The following ZZZ3 variants were observed in gnomAD, a reference collection of about 807,000 sequenced individuals.
ZZZ3 encodes the protein ZZ-type zinc finger-containing protein 3.
Under a neutral mutation model 95.2 loss-of-function variants are expected in ZZZ3, and 22 were observed. The ratio of observed to expected loss-of-function variants is 0.23; its 90% CI spans 0.17 to 0.33. ZZZ3 has a LOEUF of 0.33. ZZZ3 is among the 10% of genes least tolerant of loss of function. ZZZ3 has a pLI of 1.00. For synonymous variants in ZZZ3, 335 were observed against 358.9 expected (o/e 0.93, Z 0.75); for missense variants, 885 against 1,066.5 (o/e 0.83, Z 2.37).
At chr1:77,566,388 GGTGA>G (rs1445794054) in intron 13 of ZZZ3, among the ~76,000 whole-genome samples, 5 of 152,086 alleles carry the variant, frequency 3.3e-5, no homozygotes, top group Non-Finnish European at 7.4e-5. Context: ...TCAAGATATG[GGTGA>G]GTGAGAGGAA....
intron 1 of ZZZ3, among the ~76,000 whole-genome samples, chr1:77,650,578 C>G (rs1000970688): frequency 6.1e-5 from 9 of 148,016 alleles, no homozygotes; most frequent in African/African-American, 2.0e-4. Context: ...ACAGCAAAAG[C>G]AGTATTTACA....
chr1:77,634,013 T>C (rs1668065005), intron 4 of ZZZ3, among the ~76,000 whole-genome samples: 1 of 151,726 alleles, frequency 6.6e-6, no homozygotes, highest in African/African-American at 2.4e-5. Context: ...CTACTAAAAA[T>C]ACAAAAATTA....
intron 3 of ZZZ3, 87 bp downstream of exon 3, chr1:77,641,297 T>A (rs145947627): frequency 2.6e-5 from 9 of 347,272 alleles, no homozygotes; most frequent in African/African-American, 1.9e-4. Context: ...TCTATTTGAA[T>A]AGAGTTCACT....
At chr1:77,609,741 G>T (rs1004356413) in intron 5 of ZZZ3, among the ~76,000 whole-genome samples, 2 of 152,004 alleles carry the variant, frequency 1.3e-5, no homozygotes, top group Non-Finnish European at 2.9e-5. Context: ...GAGGATTTTG[G>T]AAACAATACC....
intron 5 of ZZZ3, among the ~76,000 whole-genome samples, chr1:77,628,942 G>A (rs1277914033): frequency 6.6e-6 from 1 of 152,178 alleles, no homozygotes; most frequent in Non-Finnish European, 1.5e-5. Context: ...ATTTGACAAG[G>A]TATGTACATA....
chr1:77,660,485 T>C (rs1261870121), intron 1 of ZZZ3, among the ~76,000 whole-genome samples: 9 of 152,248 alleles, frequency 5.9e-5, no homozygotes, highest in Admixed American at 5.2e-4. Context: ...AGTATCTTTT[T>C]GTGACTGGCT....
chr1:77,565,382 A>G lies in ZZZ3; in HGVS notation c.*258T>C. The G allele has an allele frequency of 2.7e-6, 1 of 377,358 alleles. No individual in the cohort carries two copies. The highest frequency in any genetic ancestry group is 4.7e-6 in the Non-Finnish European group (1 of 212,002). 23.4% of individuals were successfully genotyped at this position (377,358 alleles called of 1,614,324 possible). On this transcript the variant is annotated 3_prime_UTR_variant, in exon 15 of 15. Transcript: ENST00000370801. ...TGTGTGCTCTCGTTCCATCTCACCC[A>G]TTTAAGATCACCACCTAAAACGCAG...
intron 1 of ZZZ3, among the ~76,000 whole-genome samples, chr1:77,680,663 C>T (rs1050590811): frequency 6.6e-6 from 1 of 152,072 alleles, no homozygotes; most frequent in African/African-American, 2.4e-5. Flanking sequence ...TTTGTTTGTA[C>T]TAACTACTAA....
At position 77,651,184 on chromosome 1, in the gene ZZZ3, G is replaced by A. The variant is rs779652268; in HGVS notation, c.-402-9529C>T. Among the ~76,000 whole-genome samples, 7 of 152,038 alleles carry A rather than the reference G, an allele frequency of 4.6e-5. 1 individual carries two copies. The highest frequency in any genetic ancestry group is 4.1e-4 in the South Asian group (2 of 4,826). On this transcript the variant is annotated intron_variant, in intron 1 of 14. Coordinates refer to ENST00000370801, the MANE Select transcript of ZZZ3 (RefSeq NM_015534.6). The stretch of plus-strand genomic sequence containing the variant: ...GAATAGCTTGGGCCCAGGAGTTCAC[G>A]ACCAGCCTGGGCAACAAAGAGAGAC...
intron 12 of ZZZ3, among the ~76,000 whole-genome samples, chr1:77,574,315 A>G (rs1661716488): frequency 6.6e-6 from 1 of 151,994 alleles, no homozygotes; most frequent in Admixed American, 6.6e-5. Flanking sequence ...GGAAGTAAGT[A>G]TTACATTGAT....
At position 77,563,581 on chromosome 1, in the gene ZZZ3, A is replaced by T. The variant is rs1056205456; in HGVS notation, c.*2059T>A. 2 of 152,204 alleles carry T rather than the reference A, an allele frequency of 1.3e-5. No individual in the cohort carries two copies. The highest frequency in any genetic ancestry group is 2.4e-5 in the African/African-American group (1 of 41,462). 9.4% of individuals were successfully genotyped at this position (152,204 alleles called of 1,614,324 possible). ...TGTATCACTCATATCCCTCTTCCAA[A>T]GCATACATCATACTTTATGGAATTT... On this transcript the variant is annotated 3_prime_UTR_variant, in exon 15 of 15. Transcript: ENST00000370801.
chr1:77,666,531 T>G (rs550212114), intron 1 of ZZZ3, among the ~76,000 whole-genome samples: 10 of 152,252 alleles, frequency 6.6e-5, no homozygotes, highest in Admixed American at 1.3e-4. Flanking sequence ...CCAGACTCCA[T>G]CTCAAAGAAT....
chr1:77,651,772 C>T (rs1442627990), intron 1 of ZZZ3, among the ~76,000 whole-genome samples: 4 of 152,100 alleles, frequency 2.6e-5, no homozygotes, highest in African/African-American at 9.7e-5. Flanking sequence ...AATTCCAGCA[C>T]TTTGGGAGGC....
chr1:77,607,252 T>C (rs1460961323), intron 5 of ZZZ3, among the ~76,000 whole-genome samples: 3 of 152,274 alleles, frequency 2.0e-5, no homozygotes, highest in East Asian at 3.9e-4. Context: ...GGAATGTCCA[T>C]TTATAAAACC....
intron 5 of ZZZ3, among the ~76,000 whole-genome samples, chr1:77,616,762 G>A (rs752774154): frequency 6.6e-6 from 1 of 152,104 alleles, no homozygotes; most frequent in Admixed American, 6.5e-5. Flanking sequence ...GCCCAGGAGG[G>A]AGACTGAAGC....
chr1:77,575,478 A>G (rs1177183383), intron 12 of ZZZ3, among the ~76,000 whole-genome samples: 1 of 152,230 alleles, frequency 6.6e-6, no homozygotes, highest in Non-Finnish European at 1.5e-5. Context: ...AATCTCATCA[A>G]TGCTCTTGAC....
intron 5 of ZZZ3, among the ~76,000 whole-genome samples, chr1:77,587,448 T>C (rs867580429): frequency 6.6e-6 from 1 of 151,984 alleles, no homozygotes. Flanking sequence ...GTATTTTTAG[T>C]AGAGATGGGG....
intron 3 of ZZZ3, among the ~76,000 whole-genome samples, chr1:77,640,540 C>T (rs1668686425): frequency 6.7e-6 from 1 of 148,410 alleles, no homozygotes; most frequent in Non-Finnish European, 1.5e-5. Context: ...GCAGAGGTTG[C>T]AGTGAGCCAA....
At position 77,564,129 on chromosome 1, in the gene ZZZ3, TC is replaced by T. The variant is rs1660631587; in HGVS notation, c.*1510del. The T allele has an allele frequency of 6.6e-6, 1 of 152,130 alleles. No homozygotes were observed. Among genetic ancestry groups the T allele is most frequent in the African/African-American group, 2.4e-5 (1 of 41,448 alleles). 9.4% of individuals were successfully genotyped at this position (152,130 alleles called of 1,614,324 possible). On this transcript the variant is annotated 3_prime_UTR_variant, in exon 15 of 15. Transcript: ENST00000370801. ...AATTTCCAGGAAACAAGGTGATTTTTCAAAAGCCATCTGTTTAAATACATGG... is the reference window on the plus strand; with the variant it reads ...AATTTCCAGGAAACAAGGTGATTTTTAAAAGCCATCTGTTTAAATACATGG...
Sources: allele counts gnomAD v4.1 joint callset (sites outside exome capture counted in the v4.1 genomes callset), GRCh38; gene constraint gnomAD v4.1.1; transcripts MANE v1.5; gene names NCBI Gene and HGNC (gene_info 2026-07-23, HGNC 2026-07-21).